Variants in ATG2B observed in about 807,000 individuals in gnomAD.
ATG2B encodes autophagy related 2B, also known as autophagy-related protein 2 homolog B.
In ATG2B, 121 loss-of-function variants were observed where a neutral mutation model predicts 241.3. That is an observed-to-expected ratio of 0.50 (90% CI 0.43 to 0.58). The LOEUF is 0.58. Ranked by LOEUF, ATG2B falls within the 20% of genes least tolerant of loss-of-function variation. The probability of loss-of-function intolerance (pLI) is 0.00; values close to 1 mark genes in which losing one functional copy is unlikely to be tolerated. For synonymous variants in ATG2B, 858 were observed against 876.6 expected (o/e 0.98, Z 0.37); for missense variants, 2,306 against 2,491.6 (o/e 0.93, Z 1.59).
In ATG2B at chr14:96,313,387, G is replaced by T. The variant is rs779208668; in HGVS notation, c.3691C>A (p.Pro1231Thr). Residue 1231 changes from proline (P) to threonine (T), a missense_variant, in exon 24 of 42, where the codon CCT (proline) becomes ACT (threonine). Pro to Thr is a conservative substitution (Grantham distance 38, BLOSUM62 -1). Around this residue, in one of 2 missense-constraint regions of ATG2B, gnomAD observed 1,927 missense variants for 2,011.2 expected, o/e 0.96. Coordinates refer to ENST00000359933, the MANE Select transcript of ATG2B (RefSeq NM_018036.7). ...TGAAAAGTTGTAAATGAAGTTGGAG[G>T]ATTATATCCCAAAACAGGTTCATCA... ...IADEPVLGYN[P>T]PTSFTTFHVH... is the part of the protein sequence containing the mutation. The T allele has an allele frequency of 8.1e-6, 13 of 1,595,862 alleles. No individual in the cohort carries two copies. The African/African-American group carries it at 1.6e-4, about 20-fold the overall frequency.
intron 41 of ATG2B, among the ~76,000 whole-genome samples, chr14:96,288,776 G>A (rs1489599803): frequency 4.1e-5 from 6 of 147,852 alleles, no homozygotes; most frequent in Non-Finnish European, 8.9e-5. Flanking sequence ...GTCAAAAAGA[G>A]TATGCCAGGG....
At chr14:96,359,194 A>G (rs1888559348) in intron 1 of ATG2B, among the ~76,000 whole-genome samples, 1 of 152,072 alleles carries the variant, frequency 6.6e-6, no homozygotes, top group South Asian at 2.1e-4. Context: ...CAACATGGCG[A>G]AATCCCGTCT....
rs34515724 is a variant in ATG2B at position 96,340,926 on chromosome 14, GA to G, written c.924+595del. Among the ~76,000 whole-genome samples the G allele has an allele frequency of 5.0e-3, 570 of 112,950 alleles. 8 individuals carry two copies. The highest frequency in any genetic ancestry group is 0.046 in the East Asian group (161 of 3,518). The allele number at this position is 112,950 out of a possible 152,430, so 74.1% of individuals were successfully genotyped here. On this transcript the variant is annotated intron_variant, in intron 6 of 41. Transcript: ENST00000359933. ...GGGCAACAGAGGGAGACCCCATCTC[GA>G]AAAAAAAAAAAAAAAAGAATGAAAG...
chr14:96,318,548 A>G (rs1241875209), intron 18 of ATG2B, among the ~76,000 whole-genome samples: 1 of 152,210 alleles, frequency 6.6e-6, no homozygotes, highest in Non-Finnish European at 1.5e-5. Flanking sequence ...CAGAAAGCAC[A>G]GCTTCACTGG....
At chr14:96,322,053 T>A in intron 18 of ATG2B, 59 bp downstream of exon 18, 1 of 1,281,596 alleles carries the variant, frequency 7.8e-7, no homozygotes, top group Non-Finnish European at 1.1e-6. Flanking sequence ...AAGAGGAAAA[T>A]CAGGGAGGCA....
intron 29 of ATG2B, among the ~76,000 whole-genome samples, chr14:96,308,044 A>G (rs1887001230): frequency 6.6e-6 from 1 of 151,090 alleles, no homozygotes; most frequent in Non-Finnish European, 1.5e-5. Flanking sequence ...ACTCATCCTT[A>G]CAGGTACCCA....
In ATG2B at chr14:96,287,930, T is replaced by C. The variant is rs537517808; in HGVS notation, c.6006+1726A>G. Among the ~76,000 whole-genome samples, 9 of 152,314 alleles carry C rather than the reference T, an allele frequency of 5.9e-5. 1 individual carries two copies. The highest frequency in any genetic ancestry group is 2.2e-4 in the African/African-American group (9 of 41,570). On this transcript the variant is annotated intron_variant, in intron 41 of 41. Transcript: ENST00000359933. ...CTGATCTAAAAGATGAGCCTATCTATGACACACACAAGGCATTTTCTCTTC... is the reference window on the plus strand; with the variant it reads ...CTGATCTAAAAGATGAGCCTATCTACGACACACACAAGGCATTTTCTCTTC...
chr14:96,313,758 T>C (rs1184393722), intron 23 of ATG2B, among the ~76,000 whole-genome samples: 1 of 152,170 alleles, frequency 6.6e-6, no homozygotes, highest in Non-Finnish European at 1.5e-5. Flanking sequence ...GAATTTGAAA[T>C]GCAGAAGCCT....
At chr14:96,323,713 AC>A (rs2139871871) in intron 16 of ATG2B, among the ~76,000 whole-genome samples, 182 bp downstream of exon 16, 1 of 152,332 alleles carries the variant, frequency 6.6e-6, no homozygotes, top group Admixed American at 6.5e-5. Context: ...AAATAGCACA[AC>A]AAGGTTTGAG....
At position 96,292,054 on chromosome 14, in the gene ATG2B, T is replaced by C; in HGVS notation, c.5471A>G (p.His1824Arg). 6.2e-7 allele frequency: 1 copy of C among 1,600,036 alleles called. No homozygotes were observed. Among genetic ancestry groups the C allele is most frequent in the Non-Finnish European group, 8.5e-7 (1 of 1,173,044 alleles). Residue 1824 changes from histidine (H) to arginine (R), a missense_variant, in exon 37 of 42, where the codon CAT (histidine) becomes CGT (arginine). Transcript: ENST00000359933. ...CTGATCCATTGATACATGTTTGCCA[T>C]GATAATCAAGTCGAATGGGAACTTC... ...TSEVPIRLDY[H>R]GKHVSMDQGT...
chr14:96,299,231 G>A (rs1431189862), intron 34 of ATG2B, among the ~76,000 whole-genome samples: 1 of 152,032 alleles, frequency 6.6e-6, no homozygotes, highest in East Asian at 1.9e-4. Flanking sequence ...CACCTGCCTA[G>A]CTCCACTGCA....
At chr14:96,315,115 T>G (rs1330152073) in intron 23 of ATG2B, 39 bp downstream of exon 23, 1 of 1,502,448 alleles carries the variant, frequency 6.7e-7, no homozygotes, top group Admixed American at 1.8e-5. Flanking sequence ...TCAACACAAA[T>G]TTTTAAATAA....
intron 6 of ATG2B, among the ~76,000 whole-genome samples, chr14:96,335,686 G>A (rs913148348): frequency 6.6e-6 from 1 of 152,030 alleles, no homozygotes; most frequent in African/African-American, 2.4e-5. Context: ...CTTATTTTAC[G>A]GGGCACCTTC....
chr14:96,331,646 C>A lies in ATG2B; in HGVS notation c.1469-9G>T. 6.4e-7 allele frequency: 1 copy of A among 1,572,272 alleles called. No individual in the cohort carries two copies. The highest frequency in any genetic ancestry group is 1.4e-5 in the African/African-American group (1 of 72,614). On this transcript the variant is annotated splice_polypyrimidine_tract_variant and intron_variant, in intron 10 of 41. Coordinates refer to ENST00000359933, the MANE Select transcript of ATG2B (RefSeq NM_018036.7). ...AGATCTAGATGGGAGAGCTAAAATA[C>A]AAGTATTAAAATTATATACATAAAA...
Position 96,306,931 on chromosome 14 carries a change from T to A in ATG2B, c.4304-15A>T. On this transcript the variant is annotated splice_polypyrimidine_tract_variant and intron_variant, in intron 29 of 41. Coordinates refer to ENST00000359933, the MANE Select transcript of ATG2B (RefSeq NM_018036.7). ...ATCCAAAACACCTAGATAAAAAGAT[T>A]ACAACATTTTGGCACACTTTGAAAT... 1 of 1,606,008 alleles carries A rather than the reference T, an allele frequency of 6.2e-7. No homozygotes were observed. The highest frequency in any genetic ancestry group is 8.5e-7 in the Non-Finnish European group (1 of 1,175,726).
intron 6 of ATG2B, among the ~76,000 whole-genome samples, chr14:96,340,729 A>G (rs1888009858): frequency 6.6e-6 from 1 of 152,116 alleles, no homozygotes; most frequent in Admixed American, 6.5e-5. Flanking sequence ...CCTGGGCAAC[A>G]TAGTGAGACC....
chr14:96,344,640 A>G lies in ATG2B; in HGVS notation c.581+14T>C, dbSNP rs760985413. ...ACAATAGGGTCATTTATTTTCAGAC[A>G]TAAGAATTCTTACCTTTCTATTCGA... On this transcript the variant is annotated intron_variant, in intron 4 of 41. Transcript: ENST00000359933. 9.4e-6 allele frequency: 14 copies of G among 1,489,346 alleles called. No homozygotes were observed. The South Asian group carries it at 1.1e-4, about 11-fold the overall frequency. 92.3% of individuals were successfully genotyped at this position (1,489,346 alleles called of 1,614,324 possible).
At chr14:96,319,660 G>A (rs560543408) in intron 18 of ATG2B, among the ~76,000 whole-genome samples, 26 of 152,242 alleles carry the variant, frequency 1.7e-4, no homozygotes, top group Admixed American at 7.2e-4. Context: ...ATGGTAGTAC[G>A]TATCCAGTTT....
intron 29 of ATG2B, among the ~76,000 whole-genome samples, 166 bp downstream of exon 29, chr14:96,309,287 G>A (rs975205876): frequency 1.3e-5 from 2 of 152,186 alleles, no homozygotes; most frequent in Non-Finnish European, 2.9e-5. Flanking sequence ...CCTGGCCAGA[G>A]TTACCTATTT....
Sources: gnomAD v4.1 joint callset for allele counts (sites outside exome capture counted in the v4.1 genomes callset) on GRCh38, gnomAD v4.1.1 for gene constraint, gnomAD v4.1.1 regional missense constraint, MANE v1.5 for transcripts, NCBI Gene and HGNC (gene_info 2026-07-23, HGNC 2026-07-21) for gene names.